Variants in CUL5 observed in about 807,000 individuals in gnomAD.
CUL5 encodes cullin-5.
In CUL5, 26 loss-of-function variants were observed where a neutral mutation model predicts 108.8. The observed-to-expected ratio is 0.24, with a 90% CI of 0.18 to 0.33. CUL5 has a LOEUF of 0.33. CUL5 is among the 10% of genes least tolerant of loss of function. The pLI is 1.00. For synonymous variants in CUL5, 334 were observed against 298.0 expected, an observed-to-expected ratio of 1.12 and a Z score of -1.25; for missense variants, 524 against 909.2, an observed-to-expected ratio of 0.58 and a Z score of 5.45.
chr11:108,034,692 C>T (rs1429987413), intron 2 of CUL5, among the ~76,000 whole-genome samples: 1 of 152,136 alleles, frequency 6.6e-6, no homozygotes, highest in Non-Finnish European at 1.5e-5. Flanking sequence ...CATTAATGTC[C>T]TCCTCCTCCG....
At chr11:108,079,545 C>T (rs1591320976) in intron 11 of CUL5, among the ~76,000 whole-genome samples, 1 of 152,184 alleles carries the variant, frequency 6.6e-6, no homozygotes. Flanking sequence ...GCATCAGTAA[C>T]CTTTAGTCCC....
intron 1 of CUL5, among the ~76,000 whole-genome samples, chr11:108,015,668 T>A (rs78352448): frequency 0.11 from 17,062 of 152,150 alleles, 964 homozygotes; most frequent in South Asian, 0.13. Context: ...GAGGGAATAG[T>A]GGACTAATCA....
chr11:108,054,974 G>A lies in CUL5; in HGVS notation c.780+19G>A, dbSNP rs1863337011. 3.3e-6 allele frequency: 5 copies of A among 1,522,286 alleles called. No homozygotes were observed. The highest frequency in any genetic ancestry group is 4.5e-6 in the Non-Finnish European group (5 of 1,110,494). 94.3% of individuals were successfully genotyped at this position (1,522,286 alleles called of 1,614,324 possible). On this transcript the variant is annotated intron_variant, in intron 7 of 18. Transcript: ENST00000393094. The stretch of plus-strand genomic sequence containing the variant: ...TGAAGCAGTAAGTAATTTTGTAATT[G>A]TACATTTTATGGGATTATTTGAAAT...
chr11:108,097,573 GAATTGATC>G (rs1864532039), intron 16 of CUL5, 55 bp from the exon 17 acceptor site: 2 of 885,498 alleles, frequency 2.3e-6, no homozygotes, highest in Non-Finnish European at 3.7e-6. Flanking sequence ...TTATGTGGGA[GAATTGATC>G]TTAGTATTCC....
chr11:108,034,003 C>G (rs1862660981), intron 2 of CUL5, 92 bp downstream of exon 2: 3 of 764,580 alleles, frequency 3.9e-6, no homozygotes, highest in Non-Finnish European at 6.7e-6. Context: ...CTAAGTTTAT[C>G]TGTTTACCTA....
intron 3 of CUL5, 69 bp from the exon 4 acceptor site, chr11:108,049,821 G>A: frequency 2.5e-6 from 3 of 1,192,902 alleles, no homozygotes; most frequent in Non-Finnish European, 3.6e-6. Context: ...TTAAATTTTG[G>A]CATGAATATG....
intron 7 of CUL5, among the ~76,000 whole-genome samples, chr11:108,066,965 G>A (rs907135954): frequency 8.5e-5 from 13 of 152,146 alleles, no homozygotes; most frequent in Non-Finnish European, 1.9e-4. Context: ...CTTAAAACAC[G>A]TAACTCAGTT....
Position 108,089,639 on chromosome 11 carries a change from T to A in CUL5, c.1443+16T>A, listed in dbSNP as rs565740128. The A allele has an allele frequency of 2.8e-6, 4 of 1,450,984 alleles. No homozygotes were observed. Among genetic ancestry groups the A allele is most frequent in the African/African-American group, 2.9e-5 (2 of 69,150 alleles). 89.9% of individuals were successfully genotyped at this position (1,450,984 alleles called of 1,614,324 possible). A position where few individuals can be genotyped will look rare whatever the true frequency, so the allele number is the denominator to read the frequency against. On this transcript the variant is annotated intron_variant, in intron 13 of 18. Transcript: ENST00000393094. ...GTGGCTAAGAGTAAGTAAATTTTTT[T>A]AAATATTTGGTTTTCTAATACATTA... is the stretch of plus-strand genomic sequence containing the variant.
intron 18 of CUL5, 31 bp downstream of exon 18, chr11:108,098,560 T>TA (rs1424790845): frequency 4.9e-6 from 7 of 1,421,792 alleles, no homozygotes; most frequent in African/African-American, 3.2e-5. Flanking sequence ...GTCTGAAGTT[T>TA]AAAAAAACTT....
chr11:108,034,125 A>G (rs996418421), intron 2 of CUL5, among the ~76,000 whole-genome samples: 1 of 152,188 alleles, frequency 6.6e-6, no homozygotes, highest in South Asian at 2.1e-4. Flanking sequence ...GCTTTGAGTC[A>G]TTACAGTGAA....
At chr11:108,017,663 A>G (rs1862234665) in intron 1 of CUL5, among the ~76,000 whole-genome samples, 1 of 152,198 alleles carries the variant, frequency 6.6e-6, no homozygotes, top group South Asian at 2.1e-4. Context: ...CAGTCTGGGC[A>G]ACATAGTAAG....
chr11:108,077,460 T>A (rs7107097), intron 10 of CUL5, among the ~76,000 whole-genome samples: 20,516 of 151,784 alleles, frequency 0.14, 1,486 homozygotes, highest in African/African-American at 0.19. Context: ...TGAAACCCTG[T>A]CTCTATTAAA....
rs369297599 is a variant in CUL5, at chr11:108,052,647, C to T, written c.412-13C>T. ...ATTGAAAATTATGTTACAATTTGTT[C>T]TTGTTTTCCTAGCTTATGCTTGATA... On this transcript the variant is annotated splice_polypyrimidine_tract_variant and intron_variant, in intron 4 of 18. Transcript: ENST00000393094. 225 of 1,584,828 alleles carry T rather than the reference C, an allele frequency of 1.4e-4. No individual in the cohort carries two copies. Among genetic ancestry groups the T allele is most frequent in the Non-Finnish European group, 1.7e-4 (199 of 1,164,160 alleles).
chr11:108,047,081 G>A (rs1863086398), intron 3 of CUL5, among the ~76,000 whole-genome samples: 1 of 152,286 alleles, frequency 6.6e-6, no homozygotes, highest in South Asian at 2.1e-4. Flanking sequence ...ACTTTGGGAG[G>A]CTGAGGCAGG....
chr11:108,050,353 C>G (rs1166792635), intron 4 of CUL5, among the ~76,000 whole-genome samples: 3 of 151,184 alleles, frequency 2.0e-5, no homozygotes, highest in African/African-American at 7.3e-5. Context: ...TTTTATTTCT[C>G]TATTCTTTCT....
Position 108,029,166 on chromosome 11 carries a change from T to C in CUL5, c.25-4636T>C, listed in dbSNP as rs1386187502. On this transcript the variant is annotated intron_variant, in intron 1 of 18. Transcript: ENST00000393094. ...CCATTTGTGTGAGAAGAAGAGTGCC[T>C]GTGAAGGGATTAGTTGTGCTGTAAG... Among the ~76,000 whole-genome samples, 4 of 152,036 alleles carry C rather than the reference T, an allele frequency of 2.6e-5. No homozygotes were observed. In the East Asian group the frequency reaches 7.7e-4, roughly 29 times the overall value.
chr11:108,039,316 G>A (rs972095961), intron 2 of CUL5, among the ~76,000 whole-genome samples: 10 of 152,102 alleles, frequency 6.6e-5, no homozygotes, highest in Non-Finnish European at 1.3e-4. Flanking sequence ...CACTGTGCCC[G>A]GCCTGTCCAT....
intron 1 of CUL5, among the ~76,000 whole-genome samples, chr11:108,027,827 C>T (rs1454777172): frequency 6.6e-6 from 1 of 152,210 alleles, no homozygotes; most frequent in Non-Finnish European, 1.5e-5. Flanking sequence ...CAGTGGTTAT[C>T]TTACCTGATC....
At chr11:108,079,639 T>G (rs1397222493) in intron 11 of CUL5, among the ~76,000 whole-genome samples, 2 of 152,208 alleles carry the variant, frequency 1.3e-5, no homozygotes, top group African/African-American at 2.4e-5. Flanking sequence ...TGCATAAATC[T>G]TAAGTGTACA....
Sources: allele counts gnomAD v4.1 joint callset (sites outside exome capture counted in the v4.1 genomes callset), GRCh38; gene constraint gnomAD v4.1.1; transcripts MANE v1.5; gene names NCBI Gene and HGNC (gene_info 2026-07-23, HGNC 2026-07-21).